The following MAN2A1 variants were observed in gnomAD, a reference collection of about 807,000 sequenced individuals.
MAN2A1 encodes alpha-mannosidase 2.
In MAN2A1, 76 loss-of-function variants were observed where a neutral mutation model predicts 142.6. The observed-to-expected ratio is 0.53, with a 90% CI of 0.44 to 0.65. The LOEUF is 0.65. MAN2A1 is among the 30% of genes least tolerant of loss of function. The pLI is 0.00. For missense variants in MAN2A1, 1,311 were observed against 1,365.1 expected (o/e 0.96, Z 0.62); for synonymous variants, 559 against 473.2 (o/e 1.18, Z -2.35).
intron 4 of MAN2A1, among the ~76,000 whole-genome samples, chr5:109,752,191 TTCC>T (rs919903699): frequency 3.3e-4 from 51 of 152,328 alleles, no homozygotes; most frequent in African/African-American, 1.1e-3. Context: ...GTCTCCCGTC[TTCC>T]TCCTCCTCCA....
chr5:109,719,836 A>G (rs1751553815), intron 3 of MAN2A1, among the ~76,000 whole-genome samples: 1 of 152,214 alleles, frequency 6.6e-6, no homozygotes, highest in South Asian at 2.1e-4. Context: ...GTATTTTAAT[A>G]AAATTCCAAA....
intron 8 of MAN2A1, among the ~76,000 whole-genome samples, chr5:109,775,743 A>G (rs1753272812): frequency 6.6e-6 from 1 of 152,110 alleles, no homozygotes; most frequent in African/African-American, 2.4e-5. Context: ...ATATAACGAT[A>G]ATACCATTAT....
chr5:109,819,921 G>C, intron 14 of MAN2A1, 34 bp downstream of exon 14: 1 of 1,405,904 alleles, frequency 7.1e-7, no homozygotes. Flanking sequence ...TTCATAGAAT[G>C]CTTATCATTT....
In MAN2A1 at chr5:109,834,818, A is replaced by G. The variant is rs6594402; in HGVS notation, c.2567-7510A>G. Among the ~76,000 whole-genome samples, 140 of 152,328 alleles carry G rather than the reference A, an allele frequency of 9.2e-4. 1 individual carries two copies. The highest frequency in any genetic ancestry group is 3.3e-3 in the African/African-American group (138 of 41,586). ...TTTCACTTGTGGAGAAATAATCAAT[A>G]TGAACATTTACAGACCCAGAAATCG... On this transcript the variant is annotated intron_variant, in intron 16 of 21. Coordinates refer to ENST00000261483, the MANE Select transcript of MAN2A1 (RefSeq NM_002372.4).
In MAN2A1 at chr5:109,836,928, A is replaced by G. The variant is rs543968560; in HGVS notation, c.2567-5400A>G. 6.6e-5 allele frequency among the ~76,000 whole-genome samples: 10 copies of G among 152,142 alleles called. No individual in the cohort carries two copies. In the East Asian group the frequency reaches 1.7e-3, roughly 26 times the overall value. On this transcript the variant is annotated intron_variant, in intron 16 of 21. Transcript: ENST00000261483. Reference sequence around the variant, plus strand: ...GTGTCGATTTTCAGCATAGTTTATCATGCTATACAAATGCTACATTTAGCT... The same window carrying G: ...GTGTCGATTTTCAGCATAGTTTATCGTGCTATACAAATGCTACATTTAGCT...
chr5:109,766,054 A>G (rs1752979908), intron 5 of MAN2A1, among the ~76,000 whole-genome samples: 1 of 152,042 alleles, frequency 6.6e-6, no homozygotes, highest in Admixed American at 6.6e-5. Flanking sequence ...TAGGTCCTTC[A>G]AGTGCACTGA....
At chr5:109,854,453 A>G (rs1161821355) in intron 19 of MAN2A1, 3 of 152,178 alleles carry the variant, frequency 2.0e-5, no homozygotes, top group Non-Finnish European at 4.4e-5. Context: ...TGTGATAACT[A>G]TTCAGTAACA....
At chr5:109,725,633 G>C (rs894859074) in intron 3 of MAN2A1, among the ~76,000 whole-genome samples, 1 of 152,150 alleles carries the variant, frequency 6.6e-6, no homozygotes, top group Non-Finnish European at 1.5e-5. Flanking sequence ...CAGAAGAATA[G>C]GGAGGTCCTT....
intron 20 of MAN2A1, 120 bp from the exon 21 acceptor site, chr5:109,864,916 C>A: frequency 1.4e-6 from 1 of 714,748 alleles, no homozygotes; most frequent in Admixed American, 2.1e-5. Flanking sequence ...ATGAATTTGC[C>A]TAACTTTCTT....
At chr5:109,760,153 A>T (rs1389845043) in intron 5 of MAN2A1, among the ~76,000 whole-genome samples, 1 of 151,840 alleles carries the variant, frequency 6.6e-6, no homozygotes, top group Non-Finnish European at 1.5e-5. Context: ...CCAGCCCCTG[A>T]CGCCCCTGTG....
At chr5:109,778,283 G>C (rs1212264213) in intron 8 of MAN2A1, among the ~76,000 whole-genome samples, 1 of 151,926 alleles carries the variant, frequency 6.6e-6, no homozygotes, top group Non-Finnish European at 1.5e-5. Flanking sequence ...GTTATTTGTG[G>C]ATTCTTTATG....
rs545152987 is a variant in MAN2A1 at position 109,771,423 on chromosome 5, A to G, written c.1196+882A>G. Among the ~76,000 whole-genome samples, 3 of 152,340 alleles carry G rather than the reference A, an allele frequency of 2.0e-5. No homozygotes were observed. The South Asian group carries it at 6.2e-4, about 32-fold the overall frequency. ...TTTTTACCTTCAATGAGTCCTTAGAATCACAAAGATTTTCTTTGTGAGCCT... is the reference window on the plus strand; with the variant it reads ...TTTTTACCTTCAATGAGTCCTTAGAGTCACAAAGATTTTCTTTGTGAGCCT... On this transcript the variant is annotated intron_variant, in intron 7 of 21. Transcript: ENST00000261483.
At chr5:109,804,205 G>T in intron 12 of MAN2A1, 1 of 987,010 alleles carries the variant, frequency 1.0e-6, no homozygotes, top group Non-Finnish European at 1.2e-6. Flanking sequence ...TTTAGTGAAG[G>T]TATCCTGATC....
At chr5:109,830,790 A>G (rs974869990) in intron 16 of MAN2A1, among the ~76,000 whole-genome samples, 1 of 152,262 alleles carries the variant, frequency 6.6e-6, no homozygotes, top group Admixed American at 6.5e-5. Context: ...ACTTTTAAAA[A>G]TTGAAATAAG....
At chr5:109,731,951 T>A (rs1422640098) in intron 4 of MAN2A1, among the ~76,000 whole-genome samples, 2 of 151,860 alleles carry the variant, frequency 1.3e-5, no homozygotes, top group East Asian at 3.9e-4. Context: ...ACTTCCACGA[T>A]GGTTGAACTA....
intron 7 of MAN2A1, among the ~76,000 whole-genome samples, chr5:109,770,798 C>T (rs532856703): frequency 7.2e-5 from 11 of 152,108 alleles, no homozygotes; most frequent in African/African-American, 2.2e-4. Flanking sequence ...ATTACCATCT[C>T]CTTTGCCCTC....
At chr5:109,847,583 T>C (rs931695282) in intron 18 of MAN2A1, 74 bp from the exon 19 acceptor site, 6 of 1,314,924 alleles carry the variant, frequency 4.6e-6, no homozygotes, top group Admixed American at 3.2e-5. Context: ...TGACTGCTAC[T>C]TAAGTGATGC....
intron 1 of MAN2A1, among the ~76,000 whole-genome samples, chr5:109,708,426 T>G (rs2112554889): frequency 6.6e-6 from 1 of 151,184 alleles, no homozygotes; most frequent in East Asian, 2.0e-4. Flanking sequence ...ATAATCCCGG[T>G]ACATGAAGTG....
At chr5:109,824,249 A>G (rs1408031239) in intron 16 of MAN2A1, among the ~76,000 whole-genome samples, 1 of 152,216 alleles carries the variant, frequency 6.6e-6, no homozygotes, top group Non-Finnish European at 1.5e-5. Context: ...ACTTTAAGAG[A>G]AAAATGTTCT....
Sources: gnomAD v4.1 joint callset for allele counts (sites outside exome capture counted in the v4.1 genomes callset) on GRCh38, gnomAD v4.1.1 for gene constraint, MANE v1.5 for transcripts, NCBI Gene and HGNC (gene_info 2026-07-23, HGNC 2026-07-21) for gene names.